KLHL2: variants seen among roughly 807,000 people sequenced by gnomAD.
KLHL2 encodes the protein kelch like family member 2.
In KLHL2, 15 loss-of-function variants were observed where a neutral mutation model predicts 75.8. The observed-to-expected ratio is 0.20, with a 90% CI of 0.13 to 0.30. The LOEUF is 0.30. Ranked by LOEUF, KLHL2 falls within the 10% of genes least tolerant of loss-of-function variation. KLHL2 has a pLI of 1.00. For missense variants in KLHL2, 381 were observed against 741.0 expected (o/e 0.51, Z 5.64); for synonymous variants, 214 against 251.9 (o/e 0.85, Z 1.42).
At chr4:165,209,898 T>C (rs1033934943) in intron 1 of KLHL2, 43 of 764,002 alleles carry the variant, frequency 5.6e-5, no homozygotes, top group Non-Finnish European at 7.9e-5. Flanking sequence ...AATAGTTTTT[T>C]TCCTTGCCAC....
intron 3 of KLHL2, among the ~76,000 whole-genome samples, chr4:165,234,217 C>G (rs1468885281): frequency 6.6e-6 from 1 of 152,202 alleles, no homozygotes; most frequent in African/African-American, 2.4e-5. Context: ...CCCAGATCAG[C>G]TTGCCAAACT....
intron 8 of KLHL2, among the ~76,000 whole-genome samples, chr4:165,300,115 C>T (rs1253750725): frequency 1.3e-5 from 2 of 151,942 alleles, no homozygotes; most frequent in South Asian, 2.1e-4. Context: ...TACGTGAAAC[C>T]GTGTCTCTAC....
chr4:165,299,380 G>T, intron 7 of KLHL2, 127 bp from the exon 8 acceptor site: 1 of 779,172 alleles, frequency 1.3e-6, no homozygotes. Context: ...AACTTTCCTC[G>T]TTTATTTTTA....
At chr4:165,217,969 A>C (rs1305327343) in intron 1 of KLHL2, among the ~76,000 whole-genome samples, 2 of 152,156 alleles carry the variant, frequency 1.3e-5, no homozygotes, top group African/African-American at 4.8e-5. Flanking sequence ...TGTTCAGGCC[A>C]AAAGACTTGG....
chr4:165,321,452 A>G (rs1019923917), intron 14 of KLHL2: 6 of 366,416 alleles, frequency 1.6e-5, no homozygotes, highest in African/African-American at 1.1e-4. Flanking sequence ...AATACAATAT[A>G]TAACACATAA....
chr4:165,237,183 C>T (rs1205931110), intron 3 of KLHL2, among the ~76,000 whole-genome samples: 1 of 152,008 alleles, frequency 6.6e-6, no homozygotes, highest in Non-Finnish European at 1.5e-5. Context: ...CAGTTTATAC[C>T]CCAACTATTC....
At chr4:165,234,517 A>T (rs1739169459) in intron 3 of KLHL2, among the ~76,000 whole-genome samples, 1 of 151,868 alleles carries the variant, frequency 6.6e-6, no homozygotes, top group African/African-American at 2.4e-5. Context: ...TTCACTTTTC[A>T]TTTATACATT....
chr4:165,242,757 C>T (rs143148091), intron 4 of KLHL2, among the ~76,000 whole-genome samples: 1 of 152,090 alleles, frequency 6.6e-6, no homozygotes, highest in Admixed American at 6.5e-5. Flanking sequence ...TTGGCCTCCT[C>T]AAGTGCTGGG....
At chr4:165,259,141 C>A (rs1741444708) in intron 4 of KLHL2, among the ~76,000 whole-genome samples, 1 of 151,418 alleles carries the variant, frequency 6.6e-6, no homozygotes, top group South Asian at 2.1e-4. Flanking sequence ...CTCACTGTGT[C>A]ACCCAGGCTG....
chr4:165,245,102 TGA>T (rs1187269799), intron 4 of KLHL2, among the ~76,000 whole-genome samples: 1 of 152,020 alleles, frequency 6.6e-6, no homozygotes, highest in African/African-American at 2.4e-5. Context: ...CAGCTACTCG[TGA>T]GGCTGAAGCA....
intron 2 of KLHL2, among the ~76,000 whole-genome samples, chr4:165,221,272 G>A (rs1195460747): frequency 6.6e-6 from 1 of 152,212 alleles, no homozygotes; most frequent in Non-Finnish European, 1.5e-5. Flanking sequence ...AGTAAGTGTT[G>A]CAGAGGAGGG....
At chr4:165,306,180 A>G (rs1027522819) in intron 9 of KLHL2, among the ~76,000 whole-genome samples, 1 of 152,268 alleles carries the variant, frequency 6.6e-6, no homozygotes, top group Non-Finnish European at 1.5e-5. Context: ...AGCAGTTATT[A>G]TACAAACTCA....
chr4:165,259,623 A>G (rs1361897258), intron 4 of KLHL2, among the ~76,000 whole-genome samples: 4 of 152,222 alleles, frequency 2.6e-5, no homozygotes, highest in African/African-American at 9.6e-5. Context: ...AGTGCTTAGC[A>G]CAGTGCCTGA....
At chr4:165,287,292 G>A (rs1216845633) in intron 5 of KLHL2, among the ~76,000 whole-genome samples, 1 of 152,148 alleles carries the variant, frequency 6.6e-6, no homozygotes, top group African/African-American at 2.4e-5. Context: ...TTAGCATAAT[G>A]TTCTCAAGCT....
At chr4:165,305,568 A>G (rs1745668083) in intron 8 of KLHL2, 40 bp from the exon 9 acceptor site, 2 of 1,456,390 alleles carry the variant, frequency 1.4e-6, no homozygotes, top group Admixed American at 1.7e-5. Context: ...TGAATATGTA[A>G]TAGTCATTTG....
chr4:165,230,589 T>A (rs1462408761), intron 3 of KLHL2, among the ~76,000 whole-genome samples: 3 of 150,358 alleles, frequency 2.0e-5, no homozygotes, highest in Non-Finnish European at 3.0e-5. Flanking sequence ...TTTTGATAAA[T>A]GTTTTATTGT....
chr4:165,242,426 G>A lies in KLHL2; in HGVS notation c.381+3527G>A, dbSNP rs150447206. ...TGCATACATTTTCAATACACTTTCA[G>A]AGAATCCATGTACCTTGCTGCTTGC... On this transcript the variant is annotated intron_variant, in intron 4 of 14. Coordinates refer to ENST00000226725, the MANE Select transcript of KLHL2 (RefSeq NM_007246.4). Among the ~76,000 whole-genome samples, 36 of 152,330 alleles carry A rather than the reference G, an allele frequency of 2.4e-4. No individual in the cohort carries two copies. In the East Asian group the frequency reaches 4.8e-3, roughly 20 times the overall value.
chr4:165,262,487 G>A (rs1196394098), intron 4 of KLHL2, among the ~76,000 whole-genome samples: 2 of 152,200 alleles, frequency 1.3e-5, no homozygotes, highest in African/African-American at 4.8e-5. Flanking sequence ...GATAACTGAA[G>A]TGCATGACTG....
At chr4:165,315,787 G>T (rs1334898362) in intron 13 of KLHL2, among the ~76,000 whole-genome samples, 4 of 152,158 alleles carry the variant, frequency 2.6e-5, no homozygotes, top group African/African-American at 9.7e-5. Flanking sequence ...AACTAAGCTG[G>T]CAAAGAGTGG....
Sources: allele counts gnomAD v4.1 joint callset (sites outside exome capture counted in the v4.1 genomes callset), GRCh38; gene constraint gnomAD v4.1.1; transcripts MANE v1.5; gene names NCBI Gene and HGNC (gene_info 2026-07-23, HGNC 2026-07-21).